Variants in FOXJ3 observed in about 807,000 individuals in gnomAD.
FOXJ3 encodes forkhead box protein J3.
Under a neutral mutation model 76.1 loss-of-function variants are expected in FOXJ3, and 22 were observed. The observed-to-expected ratio is 0.29, with a 90% CI of 0.21 to 0.41. FOXJ3 has a LOEUF of 0.41. Ranked by LOEUF, FOXJ3 falls within the 10% of genes least tolerant of loss-of-function variation. FOXJ3 has a pLI of 1.00. For synonymous variants in FOXJ3, 269 were observed against 261.2 expected, an observed-to-expected ratio of 1.03 and a Z score of -0.29; for missense variants, 613 against 762.1, an observed-to-expected ratio of 0.80 and a Z score of 2.30.
chr1:42,263,930 CTTTTTTT>C (rs61375062), intron 4 of FOXJ3, among the ~76,000 whole-genome samples: 107 of 71,452 alleles, frequency 1.5e-3, no homozygotes, highest in African/African-American at 4.2e-3. Context: ...AGTAGGTTAA[CTTTTTTT>C]TTTTTTTTTT....
chr1:42,183,462 G>A (rs1646371462), intron 11 of FOXJ3, among the ~76,000 whole-genome samples: 1 of 151,472 alleles, frequency 6.6e-6, no homozygotes, highest in Non-Finnish European at 1.5e-5. Flanking sequence ...GACATCAAGT[G>A]TTATCGCCTC....
intron 1 of FOXJ3, among the ~76,000 whole-genome samples, chr1:42,314,590 C>G (rs2479462): frequency 0.7 from 107,080 of 152,072 alleles, 38,326 homozygotes; most frequent in Admixed American, 0.8. Context: ...CAGGATTCTA[C>G]AAGGCAATGA....
At position 42,231,142 on chromosome 1, in the gene FOXJ3, C is replaced by T. The variant is rs977138699; in HGVS notation, c.445-3176G>A. ...ATCCTGGCTAACACAGTGAAACCCCCGTCTCTACTTAAAAAAAAAAAAAAA... is the reference window on the plus strand; with the variant it reads ...ATCCTGGCTAACACAGTGAAACCCCTGTCTCTACTTAAAAAAAAAAAAAAA... On this transcript the variant is annotated intron_variant, in intron 4 of 12. Coordinates refer to ENST00000361346, the MANE Select transcript of FOXJ3 (RefSeq NM_014947.5). Among the ~76,000 whole-genome samples, 5 of 136,824 alleles carry T rather than the reference C, an allele frequency of 3.7e-5. No individual in the cohort carries two copies. In the East Asian group the frequency reaches 6.4e-4, roughly 18 times the overall value. 89.8% of individuals were successfully genotyped at this position (136,824 alleles called of 152,430 possible). A position where few individuals can be genotyped will look rare whatever the true frequency, so the allele number is the denominator to read the frequency against.
intron 5 of FOXJ3, among the ~76,000 whole-genome samples, chr1:42,216,004 A>G (rs1164408460): frequency 1.3e-5 from 2 of 152,162 alleles, no homozygotes; most frequent in Non-Finnish European, 2.9e-5. Context: ...GAAAAAATTT[A>G]TATAACATAT....
intron 4 of FOXJ3, among the ~76,000 whole-genome samples, chr1:42,260,844 A>T (rs899883536): frequency 3.3e-5 from 5 of 152,112 alleles, no homozygotes; most frequent in African/African-American, 1.2e-4. Context: ...ACACCCCTAA[A>T]AACTCTTCTA....
chr1:42,201,163 T>C (rs1646757720), intron 6 of FOXJ3, among the ~76,000 whole-genome samples: 1 of 152,230 alleles, frequency 6.6e-6, no homozygotes, highest in Non-Finnish European at 1.5e-5. Context: ...TATCCGTAGA[T>C]TCTTTTCAAT....
chr1:42,324,800 G>C (rs1400999618), intron 1 of FOXJ3, among the ~76,000 whole-genome samples: 3 of 152,174 alleles, frequency 2.0e-5, no homozygotes, highest in African/African-American at 7.2e-5. Flanking sequence ...ACAATGAATG[G>C]AGCTTGCAGG....
At position 42,311,032 on chromosome 1, in the gene FOXJ3, A is replaced by AG. The variant is rs1312125109; in HGVS notation, c.44+17_44+18insC. ...AATGTTATATGTTCTAATAAAGAAA[A>AG]AAAAAAAGAGCACTCACCTTAATGA... On this transcript the variant is annotated intron_variant, in intron 2 of 12. Transcript: ENST00000361346. The AG allele has an allele frequency of 6.4e-7, 1 of 1,551,072 alleles. No individual in the cohort carries two copies. The highest frequency in any genetic ancestry group is 2.0e-5 in the Admixed American group (1 of 50,410).
At chr1:42,302,750 CAGT>C (rs1243393008) in intron 2 of FOXJ3, among the ~76,000 whole-genome samples, 2 of 151,878 alleles carry the variant, frequency 1.3e-5, no homozygotes, top group Non-Finnish European at 2.9e-5. Flanking sequence ...TTTTATTTTT[CAGT>C]AGTATTATTT....
At position 42,318,058 on chromosome 1, in the gene FOXJ3, A is replaced by G. The variant is rs547506557; in HGVS notation, c.-17-6948T>C. Among the ~76,000 whole-genome samples, 45 of 152,252 alleles carry G rather than the reference A, an allele frequency of 3.0e-4. No individual in the cohort carries two copies. In the East Asian group the frequency reaches 8.5e-3, roughly 29 times the overall value. ...ACCAGATTCTTCAAAAATTGGGGGGAAAAAAGAAACTTAAAATGAGATCTG... is the reference window on the plus strand; with the variant it reads ...ACCAGATTCTTCAAAAATTGGGGGGGAAAAAGAAACTTAAAATGAGATCTG... On this transcript the variant is annotated intron_variant, in intron 1 of 12. Transcript: ENST00000361346.
chr1:42,256,288 G>T (rs1325601961), intron 4 of FOXJ3, among the ~76,000 whole-genome samples: 1 of 152,030 alleles, frequency 6.6e-6, no homozygotes, highest in Non-Finnish European at 1.5e-5. Context: ...AAAGCAAAAA[G>T]GCAAACCATA....
rs866268031 is a variant in FOXJ3, at chr1:42,237,425, T to C, written c.445-9459A>G. On this transcript the variant is annotated intron_variant, in intron 4 of 12. Coordinates refer to ENST00000361346, the MANE Select transcript of FOXJ3 (RefSeq NM_014947.5). ...ACATACATATATATATATATATATA[T>C]ATACATACATACATATATATATATA... 3.1e-3 allele frequency among the ~76,000 whole-genome samples: 421 copies of C among 137,458 alleles called. 4 individuals carry two copies. Among genetic ancestry groups the C allele is most frequent in the African/African-American group, 8.7e-3 (317 of 36,570 alleles). 90.2% of individuals were successfully genotyped at this position (137,458 alleles called of 152,430 possible).
chr1:42,299,573 T>C (rs865999113), intron 2 of FOXJ3, among the ~76,000 whole-genome samples: 1 of 151,556 alleles, frequency 6.6e-6, no homozygotes. Flanking sequence ...CCACTCTGTA[T>C]GTTTTAAGCG....
At chr1:42,310,288 G>A (rs1289472937) in intron 2 of FOXJ3, among the ~76,000 whole-genome samples, 8 of 151,792 alleles carry the variant, frequency 5.3e-5, no homozygotes. Flanking sequence ...TGGGATTACA[G>A]GCACGTGCAA....
intron 4 of FOXJ3, among the ~76,000 whole-genome samples, chr1:42,236,665 C>T (rs1278828828): frequency 6.6e-6 from 1 of 152,204 alleles, no homozygotes; most frequent in East Asian, 1.9e-4. Flanking sequence ...AAGCAATTCC[C>T]TTTCCTTAGC....
Position 42,221,476 on chromosome 1 carries a change from G to A in FOXJ3, c.528+6407C>T, listed in dbSNP as rs184386828. 2.6e-5 allele frequency among the ~76,000 whole-genome samples: 4 copies of A among 152,246 alleles called. No homozygotes were observed. In the East Asian group the frequency reaches 7.7e-4, roughly 29 times the overall value. On this transcript the variant is annotated intron_variant, in intron 5 of 12. Coordinates refer to ENST00000361346, the MANE Select transcript of FOXJ3 (RefSeq NM_014947.5). ...TTGAGGCATTTCTTTCTTTTATTGAGAAAGGGTCTTGCTCTGTTGCTCAGG... is the reference window on the plus strand; with the variant it reads ...TTGAGGCATTTCTTTCTTTTATTGAAAAAGGGTCTTGCTCTGTTGCTCAGG...
intron 4 of FOXJ3, among the ~76,000 whole-genome samples, chr1:42,241,464 G>A (rs1036415785): frequency 2.0e-5 from 3 of 152,170 alleles, no homozygotes; most frequent in African/African-American, 7.2e-5. Flanking sequence ...AGCCACTCTG[G>A]CTGGAAACTT....
At chr1:42,306,653 T>C (rs1654493689) in intron 2 of FOXJ3, among the ~76,000 whole-genome samples, 1 of 152,146 alleles carries the variant, frequency 6.6e-6, no homozygotes, top group South Asian at 2.1e-4. Flanking sequence ...ATTGAACAGA[T>C]GTGAATGGCC....
intron 2 of FOXJ3, among the ~76,000 whole-genome samples, chr1:42,295,329 A>G (rs531767080): frequency 6.6e-6 from 1 of 151,926 alleles, no homozygotes; most frequent in South Asian, 2.1e-4. Context: ...TTTGTTTCTG[A>G]GTTATTTCAC....
Sources: gnomAD v4.1 joint callset for allele counts (sites outside exome capture counted in the v4.1 genomes callset) on GRCh38, gnomAD v4.1.1 for gene constraint, MANE v1.5 for transcripts, NCBI Gene and HGNC (gene_info 2026-07-23, HGNC 2026-07-21) for gene names.